The following CNTLN variants were observed in gnomAD, a reference collection of about 807,000 sequenced individuals.
CNTLN encodes the protein centlein, centrosomal protein.
CNTLN carries 212 observed loss-of-function variants against 180.0 expected under a neutral mutation model. The observed-to-expected ratio is 1.18, with a 90% CI of 1.05 to 1.32. The LOEUF is 1.32. CNTLN is among the 40% of genes most tolerant of loss of function. The pLI, the probability that CNTLN is intolerant of heterozygous loss-of-function variation, is 0.00. For missense variants in CNTLN, 2,095 were observed against 1,610.9 expected (o/e 1.30, Z -5.14); for synonymous variants, 722 against 563.1 (o/e 1.28, Z -3.99).
chr9:17,359,773 G>T (rs1340571608), intron 12 of CNTLN, among the ~76,000 whole-genome samples: 1 of 99,576 alleles, frequency 1.0e-5, no homozygotes, highest in East Asian at 4.5e-4. Context: ...AGTGGCGGGC[G>T]CCTGTAGTCC....
intron 5 of CNTLN, among the ~76,000 whole-genome samples, chr9:17,238,013 A>G (rs189268471): frequency 2.0e-5 from 3 of 152,264 alleles, no homozygotes; most frequent in African/African-American, 7.2e-5. Context: ...ATTCACAGCT[A>G]CATGATTATT....
chr9:17,327,814 A>G (rs1474773754), intron 8 of CNTLN, among the ~76,000 whole-genome samples: 3 of 151,924 alleles, frequency 2.0e-5, no homozygotes, highest in African/African-American at 4.8e-5. Context: ...GTAGCTGGGC[A>G]TGGTGGCAGA....
intron 12 of CNTLN, among the ~76,000 whole-genome samples, chr9:17,361,080 C>T (rs1459530495): frequency 1.3e-5 from 2 of 151,890 alleles, no homozygotes; most frequent in Admixed American, 1.3e-4. Flanking sequence ...TATTATTATA[C>T]TTTAAGTTTT....
chr9:17,222,022 G>T (rs1824170652), intron 2 of CNTLN, among the ~76,000 whole-genome samples: 1 of 151,986 alleles, frequency 6.6e-6, no homozygotes, highest in Non-Finnish European at 1.5e-5. Flanking sequence ...ATGTTGGACT[G>T]CAGTTCTCTT....
rs762682903 is a variant in CNTLN, at chr9:17,472,645, A to G, written c.3855+5754A>G. ...ACACTGACTGGTAGATGCTACTAGCATTCAATACCCAGGAGCCAGGGTGGT... is the reference window on the plus strand; with the variant it reads ...ACACTGACTGGTAGATGCTACTAGCGTTCAATACCCAGGAGCCAGGGTGGT... On this transcript the variant is annotated intron_variant, in intron 23 of 25. Coordinates refer to ENST00000380647, the MANE Select transcript of CNTLN (RefSeq NM_017738.4). Among the ~76,000 whole-genome samples the G allele has an allele frequency of 6.7e-4, 102 of 152,242 alleles. 1 individual carries two copies. Among genetic ancestry groups the G allele is most frequent in the Middle Eastern group, 3.4e-3 (1 of 294 alleles).
At chr9:17,362,718 G>T (rs2133400746) in intron 12 of CNTLN, among the ~76,000 whole-genome samples, 1 of 151,322 alleles carries the variant, frequency 6.6e-6, no homozygotes, top group African/African-American at 2.4e-5. Context: ...TTTTTTTCTT[G>T]CACGTTTTAT....
At chr9:17,408,020 G>A (rs1271956412) in intron 15 of CNTLN, among the ~76,000 whole-genome samples, 11 of 150,840 alleles carry the variant, frequency 7.3e-5, no homozygotes, top group African/African-American at 2.7e-4. Context: ...CCAGCTACTC[G>A]GGAGGCTGAG....
chr9:17,302,125 C>T, intron 7 of CNTLN: 2 of 939,886 alleles, frequency 2.1e-6, no homozygotes, highest in Non-Finnish European at 1.3e-6. Flanking sequence ...CACACAGACA[C>T]ACACACACTG....
At chr9:17,205,453 C>T (rs1822849137) in intron 2 of CNTLN, among the ~76,000 whole-genome samples, 1 of 152,176 alleles carries the variant, frequency 6.6e-6, no homozygotes, top group South Asian at 2.1e-4. Context: ...TGGGAAGCAA[C>T]AGCCTGGGCA....
intron 5 of CNTLN, among the ~76,000 whole-genome samples, chr9:17,270,472 A>G (rs1827850930): frequency 6.6e-6 from 1 of 152,200 alleles, no homozygotes; most frequent in Non-Finnish European, 1.5e-5. Flanking sequence ...CATCTCAATA[A>G]ATTACCCAAA....
the CNTLN span, among the ~76,000 whole-genome samples, chr9:17,524,129 T>C: frequency 1.8e-4 from 28 of 152,362 alleles, no homozygotes; most frequent in African/African-American, 6.7e-4. Context: ...AATCAGAGTT[T>C]TCCAGAGAAG....
At chr9:17,179,500 G>T (rs1820987324) in intron 2 of CNTLN, among the ~76,000 whole-genome samples, 1 of 152,130 alleles carries the variant, frequency 6.6e-6, no homozygotes, top group South Asian at 2.1e-4. Context: ...TCCTTTGCCA[G>T]ATTTTTAGTT....
At chr9:17,169,635 G>A (rs1820301050) in intron 2 of CNTLN, among the ~76,000 whole-genome samples, 5 of 151,582 alleles carry the variant, frequency 3.3e-5, no homozygotes, top group African/African-American at 1.2e-4. Flanking sequence ...TAGTTTTCTC[G>A]GTACCATTTA....
intron 12 of CNTLN, among the ~76,000 whole-genome samples, chr9:17,345,749 A>T (rs1351771292): frequency 6.6e-6 from 1 of 152,030 alleles, no homozygotes; most frequent in Non-Finnish European, 1.5e-5. Flanking sequence ...TTTTGCTTCA[A>T]CTGTCAAACA....
Position 17,204,826 on chromosome 9 carries a change from G to T in CNTLN, c.450-21377G>T, listed in dbSNP as rs1239645349. ...CCCAGGTGCTCTGTTGCAGGGAGAT[G>T]AGAGTTTTATCTGTAATCCCTAGAC... On this transcript the variant is annotated intron_variant, in intron 2 of 25. Transcript: ENST00000380647. Among the ~76,000 whole-genome samples the T allele has an allele frequency of 9.2e-5, 14 of 152,198 alleles. 1 individual carries two copies. Among genetic ancestry groups the T allele is most frequent in the Admixed American group, 9.2e-4 (14 of 15,282 alleles).
the CNTLN span, among the ~76,000 whole-genome samples, chr9:17,519,722 T>G: frequency 1.1e-4 from 17 of 152,248 alleles, no homozygotes; most frequent in Admixed American, 8.5e-4. Context: ...TCCAACAATC[T>G]CAGGAAACCA....
the CNTLN span, among the ~76,000 whole-genome samples, chr9:17,519,712 T>G: frequency 6.6e-6 from 1 of 152,186 alleles, no homozygotes; most frequent in Non-Finnish European, 1.5e-5. Flanking sequence ...GACCTTTTCT[T>G]CCAACAATCT....
chr9:17,348,569 C>T (rs1432644561), intron 12 of CNTLN, among the ~76,000 whole-genome samples: 4 of 147,546 alleles, frequency 2.7e-5, no homozygotes, highest in Non-Finnish European at 3.0e-5. Flanking sequence ...CTTGCTCTGT[C>T]GCCCAGGCTG....
At chr9:17,242,914 G>A (rs1825583361) in intron 5 of CNTLN, among the ~76,000 whole-genome samples, 1 of 152,144 alleles carries the variant, frequency 6.6e-6, no homozygotes, top group Non-Finnish European at 1.5e-5. Flanking sequence ...GTTTGAGCAG[G>A]ATTGGTGTTA....
Sources: gnomAD v4.1 joint callset for allele counts (sites outside exome capture counted in the v4.1 genomes callset) on GRCh38, gnomAD v4.1.1 for gene constraint, MANE v1.5 for transcripts, NCBI Gene and HGNC (gene_info 2026-07-23, HGNC 2026-07-21) for gene names.